Variants in CERT1 observed in about 807,000 individuals in gnomAD.
CERT1 encodes the protein ceramide transporter 1.
A neutral mutation model predicts 87.9 loss-of-function variants in CERT1; 31 were observed. That is an observed-to-expected ratio of 0.35 (90% CI 0.27 to 0.48). The LOEUF (loss-of-function observed/expected upper bound fraction) is 0.48. Ranked by LOEUF, CERT1 falls within the 20% of genes least tolerant of loss-of-function variation. The pLI is 0.99. For synonymous variants in CERT1, 289 were observed against 250.9 expected, an observed-to-expected ratio of 1.15 and a Z score of -1.44; for missense variants, 487 against 758.0, an observed-to-expected ratio of 0.64 and a Z score of 4.20.
At chr5:75,482,478 C>A (rs931882472) in intron 2 of CERT1, among the ~76,000 whole-genome samples, 1 of 152,184 alleles carries the variant, frequency 6.6e-6, no homozygotes, top group Non-Finnish European at 1.5e-5. Flanking sequence ...CATAGCCTGG[C>A]TAAATTTGTC....
Position 75,379,053 on chromosome 5 carries a change from C to T in CERT1, c.*293G>A, listed in dbSNP as rs532899599. ...AATTAGCTGAGCATGGTGGCACATGCCTGTGGGGACTCCCAGCTACTGGGA... is the reference window on the plus strand; with the variant it reads ...AATTAGCTGAGCATGGTGGCACATGTCTGTGGGGACTCCCAGCTACTGGGA... On this transcript the variant is annotated 3_prime_UTR_variant, in exon 17 of 17. Transcript: ENST00000643780. The T allele has an allele frequency of 7.7e-6, 2 of 258,710 alleles. No individual in the cohort carries two copies. The highest frequency in any genetic ancestry group is 1.5e-4 in the South Asian group (2 of 13,790). 16.0% of individuals were successfully genotyped at this position (258,710 alleles called of 1,614,324 possible).
chr5:75,454,810 G>A (rs1248176608), intron 3 of CERT1, among the ~76,000 whole-genome samples: 2 of 152,234 alleles, frequency 1.3e-5, no homozygotes. Flanking sequence ...TGCCTCATGA[G>A]CTGAGTGAAA....
chr5:75,483,028 C>T (rs1440803278), intron 2 of CERT1, among the ~76,000 whole-genome samples: 1 of 152,142 alleles, frequency 6.6e-6, no homozygotes, highest in Non-Finnish European at 1.5e-5. Flanking sequence ...CATGACCTCA[C>T]CAAACAAACT....
chr5:75,391,980 A>G (rs113421239), intron 11 of CERT1, among the ~76,000 whole-genome samples: 57 of 152,348 alleles, frequency 3.7e-4, no homozygotes, highest in African/African-American at 8.9e-4. Flanking sequence ...TTGGGTTTAA[A>G]ATAATTTTCT....
chr5:75,440,254 A>C lies in CERT1; in HGVS notation c.349-13776T>G, dbSNP rs540532857. On this transcript the variant is annotated intron_variant, in intron 3 of 16. Transcript: ENST00000643780. ...GAACTGAACCAATCATGAATCAAAT[A>C]AATTTTAAAACATTTATTTTCTAAT... Among the ~76,000 whole-genome samples, 5 of 152,068 alleles carry C rather than the reference A, an allele frequency of 3.3e-5. No individual in the cohort carries two copies. The South Asian group carries it at 1.0e-3, about 32-fold the overall frequency.
At chr5:75,461,776 T>C (rs1036550186) in intron 2 of CERT1, among the ~76,000 whole-genome samples, 9 of 136,292 alleles carry the variant, frequency 6.6e-5, no homozygotes, top group Admixed American at 6.1e-4. Flanking sequence ...GTAAGTGGTA[T>C]AGAAAGTCTG....
chr5:75,420,404 C>T (rs371487958), intron 5 of CERT1, among the ~76,000 whole-genome samples: 10 of 149,370 alleles, frequency 6.7e-5, no homozygotes, highest in East Asian at 5.9e-4. Flanking sequence ...AGTGCAGTGG[C>T]GCGATCTCGG....
At chr5:75,432,295 C>T (rs1053449618) in intron 3 of CERT1, among the ~76,000 whole-genome samples, 3 of 152,114 alleles carry the variant, frequency 2.0e-5, no homozygotes, top group Non-Finnish European at 4.4e-5. Flanking sequence ...ACGTCGTAAT[C>T]CGCCTGCCTT....
At chr5:75,456,759 A>G (rs1765003449) in intron 3 of CERT1, among the ~76,000 whole-genome samples, 1 of 152,112 alleles carries the variant, frequency 6.6e-6, no homozygotes, top group African/African-American at 2.4e-5. Flanking sequence ...AAATCACTCA[A>G]AATTTGTTAT....
intron 3 of CERT1, among the ~76,000 whole-genome samples, chr5:75,442,210 T>TA (rs1197757423): frequency 6.6e-6 from 1 of 152,198 alleles, no homozygotes; most frequent in Non-Finnish European, 1.5e-5. Flanking sequence ...TCATACAACT[T>TA]AGAGATATTG....
At chr5:75,375,067 G>A (rs1761240497), downstream of CERT1, 1 of 182,386 alleles carries the variant, frequency 5.5e-6, no homozygotes, top group Non-Finnish European at 1.1e-5. Flanking sequence ...GGGGGCACAG[G>A]CACCTGAAAA....
chr5:75,443,035 C>T (rs945634361), intron 3 of CERT1, among the ~76,000 whole-genome samples: 1 of 151,910 alleles, frequency 6.6e-6, no homozygotes, highest in Non-Finnish European at 1.5e-5. Flanking sequence ...GAACATATAC[C>T]CTTGTGAATA....
At chr5:75,397,223 T>C (rs149128547) in intron 11 of CERT1, among the ~76,000 whole-genome samples, 9 of 152,364 alleles carry the variant, frequency 5.9e-5, no homozygotes, top group Admixed American at 4.6e-4. Flanking sequence ...GACCTTAATG[T>C]TATTTTCTTC....
chr5:75,381,443 C>T lies in CERT1; in HGVS notation c.1618-242G>A, dbSNP rs1056322049. On this transcript the variant is annotated intron_variant, in intron 15 of 16. Coordinates refer to ENST00000643780, the MANE Select transcript of CERT1 (RefSeq NM_001379029.1). ...CATCATAGTTCACTGCAGCTTCAAA[C>T]TCCTGGGCTCAAAGCAATCCTCCCG... Among the ~76,000 whole-genome samples the T allele has an allele frequency of 4.0e-5, 6 of 151,816 alleles. No individual in the cohort carries two copies. In the East Asian group the frequency reaches 7.7e-4, roughly 20 times the overall value.
intron 8 of CERT1, among the ~76,000 whole-genome samples, chr5:75,409,971 T>C (rs915019157): frequency 1.8e-4 from 27 of 152,192 alleles, no homozygotes; most frequent in African/African-American, 6.5e-4. Context: ...CAGATAATTT[T>C]TGTTATTTTA....
intron 2 of CERT1, among the ~76,000 whole-genome samples, chr5:75,478,455 G>A (rs1001176508): frequency 2.6e-5 from 4 of 152,048 alleles, no homozygotes; most frequent in African/African-American, 4.8e-5. Context: ...GTGCAGTGAC[G>A]GAGGACAAGA....
rs1761421658 is a variant in CERT1 at position 75,378,590 on chromosome 5, T to G, written c.*756A>C. 6.6e-6 allele frequency: 1 copy of G among 152,152 alleles called. No individual in the cohort carries two copies. Among genetic ancestry groups the G allele is most frequent in the Non-Finnish European group, 1.5e-5 (1 of 68,032 alleles). 9.4% of individuals were successfully genotyped at this position (152,152 alleles called of 1,614,324 possible). A position where few individuals can be genotyped will look rare whatever the true frequency, so the allele number is the denominator to read the frequency against. ...TTAAAAGAATGAGATGTTTTACACA[T>G]CTCATGTCTTATAAAGAAAGATAGT... On this transcript the variant is annotated 3_prime_UTR_variant, in exon 17 of 17. Coordinates refer to ENST00000643780, the MANE Select transcript of CERT1 (RefSeq NM_001379029.1).
intron 3 of CERT1, among the ~76,000 whole-genome samples, chr5:75,453,257 C>G (rs1444400577): frequency 6.6e-6 from 1 of 152,120 alleles, no homozygotes; most frequent in East Asian, 1.9e-4. Context: ...TCAAATATCA[C>G]AAATTTCTCC....
chr5:75,446,772 T>C (rs1323219676), intron 3 of CERT1, among the ~76,000 whole-genome samples: 5 of 152,244 alleles, frequency 3.3e-5, no homozygotes, highest in African/African-American at 4.8e-5. Context: ...TCCCTGAGCA[T>C]GCACAATCAT....
Sources: gnomAD v4.1 joint callset for allele counts (sites outside exome capture counted in the v4.1 genomes callset) on GRCh38, gnomAD v4.1.1 for gene constraint, MANE v1.5 for transcripts, NCBI Gene and HGNC (gene_info 2026-07-23, HGNC 2026-07-21) for gene names.